The following PEAK1 variants were observed in gnomAD, a reference collection of about 807,000 sequenced individuals.
PEAK1 encodes the protein pseudopodium enriched atypical kinase 1.
Under a neutral mutation model 124.7 loss-of-function variants are expected in PEAK1, and 54 were observed. The observed-to-expected ratio is 0.43, with a 90% CI of 0.35 to 0.54. PEAK1 has a LOEUF of 0.54. Ranked by LOEUF, PEAK1 falls within the 20% of genes least tolerant of loss-of-function variation. The pLI is 0.01. For missense variants in PEAK1, 2,046 were observed against 2,134.5 expected (o/e 0.96, Z 0.82); for synonymous variants, 719 against 760.0 (o/e 0.95, Z 0.89).
At chr15:77,170,200 T>C (rs1047437948) in intron 7 of PEAK1, among the ~76,000 whole-genome samples, 8 of 152,128 alleles carry the variant, frequency 5.3e-5, no homozygotes, top group African/African-American at 1.7e-4. Flanking sequence ...TTGATAACTG[T>C]TGAAGTGTGG....
At chr15:77,205,279 A>ATTTT (rs767703989) in intron 6 of PEAK1, among the ~76,000 whole-genome samples, 2,852 of 149,084 alleles carry the variant, frequency 0.019, 35 homozygotes, top group Middle Eastern at 0.035. Context: ...TTTTTTTAAA[A>ATTTT]AAAAAAAAAA....
At position 77,283,966 on chromosome 15, in the gene PEAK1, C is replaced by T. The variant is rs1368566139; in HGVS notation, c.-358G>A. On this transcript the variant is annotated 5_prime_UTR_variant, in exon 5 of 10. The change abolishes an upstream ATG in the 5' untranslated region. Coordinates refer to ENST00000682557, the MANE Select transcript of PEAK1 (RefSeq NM_001385026.1). ...TTTGTTTCTCCTTCTTGGATTTTTTCATAAATCATTGAATTCTCACTTTCT... is the reference window on the plus strand; with the variant it reads ...TTTGTTTCTCCTTCTTGGATTTTTTTATAAATCATTGAATTCTCACTTTCT... The T allele has an allele frequency of 1.1e-5, 11 of 983,288 alleles. No homozygotes were observed. The highest frequency in any genetic ancestry group is 6.2e-5 in the Admixed American group (1 of 16,250). The allele number at this position is 983,288 out of a possible 1,614,324, so 60.9% of individuals were successfully genotyped here.
chr15:77,304,441 CA>C lies in PEAK1; in HGVS notation c.-602-17938del, dbSNP rs1459468251. ...AACTGTAGCTCCTAGCTCCTGTATA[CA>C]TTTTTTTTTTTTTTTTTTTTTTTTG... On this transcript the variant is annotated intron_variant, in intron 2 of 9. Transcript: ENST00000682557. 3.8e-4 allele frequency among the ~76,000 whole-genome samples: 47 copies of C among 124,746 alleles called. 1 individual carries two copies. The highest frequency in any genetic ancestry group is 1.2e-3 in the African/African-American group (43 of 34,980). The allele number at this position is 124,746 out of a possible 152,430, so 81.8% of individuals were successfully genotyped here. A position where few individuals can be genotyped will look rare whatever the true frequency, so the allele number is the denominator to read the frequency against.
intron 5 of PEAK1, among the ~76,000 whole-genome samples, chr15:77,279,203 T>G (rs1485696901): frequency 2.0e-5 from 3 of 151,970 alleles, no homozygotes; most frequent in Non-Finnish European, 4.4e-5. Context: ...CATATGTCAC[T>G]AATAGAATGT....
intron 2 of PEAK1, among the ~76,000 whole-genome samples, chr15:77,340,488 C>T (rs1372080415): frequency 6.6e-6 from 1 of 152,112 alleles, no homozygotes; most frequent in East Asian, 1.9e-4. Context: ...ATGAATGGAG[C>T]ACAGATGACT....
chr15:77,371,883 C>CA (rs556181681), intron 1 of PEAK1, among the ~76,000 whole-genome samples: 20 of 152,136 alleles, frequency 1.3e-4, no homozygotes, highest in Non-Finnish European at 1.0e-4. Context: ...GACTCTGTCC[C>CA]AAAAAAATAA....
At chr15:77,296,236 T>C (rs2063479548) in intron 2 of PEAK1, among the ~76,000 whole-genome samples, 1 of 152,112 alleles carries the variant, frequency 6.6e-6, no homozygotes, top group Non-Finnish European at 1.5e-5. Context: ...TTACCTAAAA[T>C]GGTAAAGGAG....
intron 2 of PEAK1, among the ~76,000 whole-genome samples, chr15:77,343,629 G>T (rs1007624995): frequency 6.6e-6 from 1 of 151,868 alleles, no homozygotes; most frequent in African/African-American, 2.4e-5. Flanking sequence ...GGGGTTACAG[G>T]CACACACCAC....
Position 77,286,431 on chromosome 15 carries a change from A to G in PEAK1, c.-529T>C, listed in dbSNP as rs562958672. 12 of 1,222,134 alleles carry G rather than the reference A, an allele frequency of 9.8e-6. No individual in the cohort carries two copies. The highest frequency in any genetic ancestry group is 1.1e-5 in the Non-Finnish European group (11 of 979,470). The allele number at this position is 1,222,134 out of a possible 1,614,324, so 75.7% of individuals were successfully genotyped here. On this transcript the variant is annotated 5_prime_UTR_variant, in exon 3 of 10. Coordinates refer to ENST00000682557, the MANE Select transcript of PEAK1 (RefSeq NM_001385026.1). ...AAAGAAAAAGTACAAACCTGGTTTA[A>G]TTGGCTCCAACTCTGGGCATTATGT... is the stretch of plus-strand genomic sequence containing the variant.
At chr15:77,350,972 A>C (rs531219132) in intron 2 of PEAK1, 1 of 981,868 alleles carries the variant, frequency 1.0e-6, no homozygotes, top group African/African-American at 1.7e-5. Context: ...CATTCAATAC[A>C]CATCTATTAA....
intron 1 of PEAK1, among the ~76,000 whole-genome samples, chr15:77,410,736 T>C (rs1392938449): frequency 6.6e-6 from 1 of 152,220 alleles, no homozygotes; most frequent in African/African-American, 2.4e-5. Flanking sequence ...TGCTCAGATT[T>C]CTCACAACTA....
intron 2 of PEAK1, among the ~76,000 whole-genome samples, chr15:77,299,655 G>A (rs1461923645): frequency 6.6e-6 from 1 of 152,188 alleles, no homozygotes; most frequent in African/African-American, 2.4e-5. Context: ...CACTGGGTAT[G>A]TTGTAGAAAG....
rs191159341 is a variant in PEAK1, at chr15:77,291,899, C to A, written c.-602-5395G>T. Among the ~76,000 whole-genome samples, 19 of 150,584 alleles carry A rather than the reference C, an allele frequency of 1.3e-4. No homozygotes were observed. The East Asian group carries it at 3.7e-3, about 29-fold the overall frequency. Reference sequence around the variant, plus strand: ...GGCTGAGGCAGGAGAATGGCGTGAACCCAGGAGGCGGAGCTTGCAGTGAGC... The same window carrying A: ...GGCTGAGGCAGGAGAATGGCGTGAAACCAGGAGGCGGAGCTTGCAGTGAGC... On this transcript the variant is annotated intron_variant, in intron 2 of 9. Transcript: ENST00000682557.
At chr15:77,401,834 AG>A in intron 1 of PEAK1, 1 of 983,680 alleles carries the variant, frequency 1.0e-6, no homozygotes, top group East Asian at 1.1e-4. Context: ...AGTAGCCATT[AG>A]GTACATCTTG....
intron 9 of PEAK1, among the ~76,000 whole-genome samples, chr15:77,118,462 AT>A (rs2051597343): frequency 6.6e-6 from 1 of 152,160 alleles, no homozygotes; most frequent in South Asian, 2.1e-4. Context: ...CAGATAACAA[AT>A]TTCTAGTTCA....
chr15:77,292,504 A>G (rs1157565883), intron 2 of PEAK1, among the ~76,000 whole-genome samples: 2 of 152,070 alleles, frequency 1.3e-5, no homozygotes, highest in Non-Finnish European at 2.9e-5. Context: ...AAAAAAAAGC[A>G]CAGAAAATGT....
chr15:77,116,910 C>G (rs1566987571), intron 9 of PEAK1, among the ~76,000 whole-genome samples: 1 of 152,180 alleles, frequency 6.6e-6, no homozygotes. Context: ...AATATTATCT[C>G]TGGAAAGCTC....
intron 2 of PEAK1, chr15:77,335,421 T>C (rs1361008579): frequency 1.0e-6 from 1 of 985,230 alleles, no homozygotes; most frequent in East Asian, 1.1e-4. Flanking sequence ...GAAACTTTTT[T>C]TTCTGCTATT....
chr15:77,279,982 G>A (rs545471218), intron 5 of PEAK1, among the ~76,000 whole-genome samples: 2 of 152,164 alleles, frequency 1.3e-5, no homozygotes, highest in Non-Finnish European at 2.9e-5. Context: ...GGGACTGTTT[G>A]TTTCCTGTTT....
Sources: gnomAD v4.1 joint callset for allele counts (sites outside exome capture counted in the v4.1 genomes callset) on GRCh38, gnomAD v4.1.1 for gene constraint, MANE v1.5 for transcripts, NCBI Gene and HGNC (gene_info 2026-07-23, HGNC 2026-07-21) for gene names.